Variants in GALNT17 observed in about 807,000 individuals in gnomAD.
GALNT17 encodes polypeptide N-acetylgalactosaminyltransferase 17.
In GALNT17, 29 loss-of-function variants were observed where a neutral mutation model predicts 63.7. The ratio of observed to expected loss-of-function variants is 0.46; its 90% CI spans 0.34 to 0.62. The LOEUF (loss-of-function observed/expected upper bound fraction) is 0.62, where lower values mean the gene tolerates loss of function less well. Among genes scored for constraint, GALNT17 ranks in the 20% least tolerant of loss-of-function variants. GALNT17 has a pLI of 0.01. For missense variants in GALNT17, 603 were observed against 799.6 expected (o/e 0.75, Z 2.97); for synonymous variants, 305 against 318.3 (o/e 0.96, Z 0.45).
chr7:71,201,237 A>ATT (rs1319447035), intron 1 of GALNT17, among the ~76,000 whole-genome samples: 17 of 140,374 alleles, frequency 1.2e-4, no homozygotes, highest in African/African-American at 3.8e-4. Context: ...GTGTGTGTTT[A>ATT]TTTTTATATA....
chr7:71,702,244 T>C (rs1284044682), intron 9 of GALNT17, among the ~76,000 whole-genome samples: 2 of 151,860 alleles, frequency 1.3e-5, no homozygotes, highest in Non-Finnish European at 2.9e-5. Context: ...AATATATCCA[T>C]GTAACAAATA....
chr7:71,173,608 A>G (rs987013136), intron 1 of GALNT17, among the ~76,000 whole-genome samples: 1 of 152,104 alleles, frequency 6.6e-6, no homozygotes, highest in African/African-American at 2.4e-5. Flanking sequence ...ACCCATCTCT[A>G]CTAAAAATAC....
intron 5 of GALNT17, among the ~76,000 whole-genome samples, chr7:71,460,869 C>G (rs1259641823): frequency 6.6e-6 from 1 of 152,126 alleles, no homozygotes; most frequent in Non-Finnish European, 1.5e-5. Context: ...GAGGTCACTC[C>G]CGTCGCCATT....
chr7:71,675,379 C>T (rs1791134579), intron 8 of GALNT17, among the ~76,000 whole-genome samples: 2 of 152,154 alleles, frequency 1.3e-5, no homozygotes, highest in African/African-American at 2.4e-5. Flanking sequence ...ATTGCAGAAA[C>T]ATTAGAACAA....
At chr7:71,566,655 G>A (rs890109061) in intron 5 of GALNT17, among the ~76,000 whole-genome samples, 7 of 148,978 alleles carry the variant, frequency 4.7e-5, no homozygotes, top group Non-Finnish European at 1.0e-4. Context: ...TTCTAGCTGC[G>A]AGATAAAGCT....
chr7:71,681,742 G>A (rs80088245), intron 9 of GALNT17, among the ~76,000 whole-genome samples: 5,654 of 152,280 alleles, frequency 0.037, 185 homozygotes, highest in Non-Finnish European at 0.051. Flanking sequence ...ACATAGTAGA[G>A]GCTATCCCAG....
Position 71,712,887 on chromosome 7 carries a change from C to G in GALNT17, c.*741C>G, listed in dbSNP as rs988502400. 1 of 152,662 alleles carries G rather than the reference C, an allele frequency of 6.6e-6. No individual in the cohort carries two copies. The highest frequency in any genetic ancestry group is 6.5e-5 in the Admixed American group (1 of 15,288). The allele number at this position is 152,662 out of a possible 1,614,324, so 9.5% of individuals were successfully genotyped here. A position where few individuals can be genotyped will look rare whatever the true frequency, so the allele number is the denominator to read the frequency against. On this transcript the variant is annotated 3_prime_UTR_variant, in exon 11 of 11. Coordinates refer to ENST00000333538, the MANE Select transcript of GALNT17 (RefSeq NM_022479.3). ...AAATAGGCTAAGCCTGCAGTAGGAT[C>G]TCAGCCACAAGGGCCCCGCAGGATG...
intron 2 of GALNT17, among the ~76,000 whole-genome samples, chr7:71,344,009 C>G (rs1170125962): frequency 6.6e-6 from 1 of 151,818 alleles, no homozygotes; most frequent in Non-Finnish European, 1.5e-5. Context: ...GGCACTGTGC[C>G]AGCAGTTTGG....
chr7:71,343,555 A>G (rs1792041555), intron 2 of GALNT17, among the ~76,000 whole-genome samples: 1 of 152,106 alleles, frequency 6.6e-6, no homozygotes, highest in Non-Finnish European at 1.5e-5. Context: ...CTGGACAGAT[A>G]TTTTAAACTT....
intron 1 of GALNT17, among the ~76,000 whole-genome samples, chr7:71,238,430 A>T (rs1789935582): frequency 6.6e-6 from 1 of 152,008 alleles, no homozygotes; most frequent in Admixed American, 6.6e-5. Context: ...TGTGACCATA[A>T]CTCACTGCAC....
intron 1 of GALNT17, among the ~76,000 whole-genome samples, chr7:71,164,151 T>C (rs1788394532): frequency 6.6e-6 from 1 of 152,156 alleles, no homozygotes; most frequent in African/African-American, 2.4e-5. Context: ...ATGGAAAAAG[T>C]CATGTAGTTG....
chr7:71,197,192 C>CTTTT (rs34276195), intron 1 of GALNT17, among the ~76,000 whole-genome samples: 30 of 69,770 alleles, frequency 4.3e-4, no homozygotes, highest in Non-Finnish European at 4.8e-4. Flanking sequence ...CCCTGTTGTG[C>CTTTT]TTTTTTTTTT....
chr7:71,274,247 C>T (rs1157252384), intron 1 of GALNT17, among the ~76,000 whole-genome samples: 3 of 152,180 alleles, frequency 2.0e-5, no homozygotes, highest in Non-Finnish European at 4.4e-5. Flanking sequence ...GCACACCACT[C>T]ATTTTGAGGG....
At chr7:71,622,507 G>T (rs559198901) in intron 6 of GALNT17, among the ~76,000 whole-genome samples, 1 of 152,052 alleles carries the variant, frequency 6.6e-6, no homozygotes, top group Non-Finnish European at 1.5e-5. Context: ...TGTCTCTCTC[G>T]GCTTCTGCTG....
intron 1 of GALNT17, among the ~76,000 whole-genome samples, chr7:71,313,471 C>T (rs1791445164): frequency 6.6e-6 from 1 of 152,196 alleles, no homozygotes; most frequent in Admixed American, 6.5e-5. Flanking sequence ...AAAGGTTTCT[C>T]CTGCAGTGGG....
chr7:71,528,093 G>A (rs146138240), intron 5 of GALNT17, among the ~76,000 whole-genome samples: 2,625 of 152,222 alleles, frequency 0.017, 30 homozygotes, highest in Non-Finnish European at 0.028. Flanking sequence ...GCAATCTATG[G>A]TACAGAATTA....
In GALNT17 at chr7:71,180,482, G is replaced by A. The variant is rs149968873; in HGVS notation, c.238+47442G>A. Among the ~76,000 whole-genome samples, 895 of 152,246 alleles carry A rather than the reference G, an allele frequency of 5.9e-3. 10 individuals are homozygous for A. Among genetic ancestry groups the A allele is most frequent in the African/African-American group, 0.02 (849 of 41,552 alleles). On this transcript the variant is annotated intron_variant, in intron 1 of 10. Transcript: ENST00000333538. ...CGTGCAGATGAATGGTGGGAAAGAA[G>A]GCTCCTTCACGTTGACCTCCTGCTT...
At chr7:71,593,457 G>C (rs894317547) in intron 6 of GALNT17, among the ~76,000 whole-genome samples, 1 of 151,824 alleles carries the variant, frequency 6.6e-6, no homozygotes, top group Non-Finnish European at 1.5e-5. Context: ...GTAGAGACAG[G>C]GTTTCACCAT....
chr7:71,309,541 T>C (rs1358306126), intron 1 of GALNT17, among the ~76,000 whole-genome samples: 1 of 152,142 alleles, frequency 6.6e-6, no homozygotes, highest in African/African-American at 2.4e-5. Flanking sequence ...ACTTTTGTCG[T>C]GTCATTTACT....
Sources: gnomAD v4.1 joint callset for allele counts (sites outside exome capture counted in the v4.1 genomes callset) on GRCh38, gnomAD v4.1.1 for gene constraint, MANE v1.5 for transcripts, NCBI Gene and HGNC (gene_info 2026-07-23, HGNC 2026-07-21) for gene names.